Variants in MAP4 observed in about 807,000 individuals in gnomAD.
MAP4 encodes microtubule associated protein 4, also known as microtubule-associated protein 4.
A neutral mutation model predicts 170.2 loss-of-function variants in MAP4; 76 were observed. The observed-to-expected ratio is 0.45, with a 90% CI of 0.37 to 0.54. MAP4 has a LOEUF of 0.54. MAP4 is among the 20% of genes least tolerant of loss of function. The pLI, the probability that MAP4 is intolerant of heterozygous loss-of-function variation, is 0.00. For missense variants in MAP4, 2,506 were observed against 2,748.0 expected (o/e 0.91, Z 1.97); for synonymous variants, 909 against 994.5 (o/e 0.91, Z 1.62).
At position 47,969,079 on chromosome 3, in the gene MAP4, T is replaced by TCTATA. The variant is rs1229071974; in HGVS notation, c.292+8785_292+8786insTATAG. On this transcript the variant is annotated intron_variant, in intron 3 of 20. Transcript: ENST00000683076. ...TGGAAAATTCCAAAACTAACATCTGTGGCTATCTCTATAGTTTCTAACAAT... is the reference window on the plus strand; with the variant it reads ...TGGAAAATTCCAAAACTAACATCTGTCTATAGGCTATCTCTATAGTTTCTAACAAT... Among the ~76,000 whole-genome samples the TCTATA allele has an allele frequency of 5.9e-5, 9 of 152,198 alleles. No individual in the cohort carries two copies. The East Asian group carries it at 1.7e-3, about 29-fold the overall frequency.
intron 2 of MAP4, chr3:47,987,341 C>A: frequency 1.4e-6 from 2 of 1,417,218 alleles, no homozygotes; most frequent in South Asian, 1.3e-5. Flanking sequence ...CTTACAAGTA[C>A]CACAGAGGAA....
At chr3:48,007,680 T>TC (rs2100103120) in intron 1 of MAP4, among the ~76,000 whole-genome samples, 1 of 151,106 alleles carries the variant, frequency 6.6e-6, no homozygotes, top group Non-Finnish European at 1.5e-5. Flanking sequence ...ACTCTCCTTT[T>TC]TTTTTTTTTT....
At chr3:47,975,476 A>G (rs1159884063) in intron 3 of MAP4, 1 of 1,554,344 alleles carries the variant, frequency 6.4e-7, no homozygotes, top group Non-Finnish European at 8.7e-7. Context: ...CTAGGAGGAG[A>G]AAAATAGAGA....
At chr3:47,979,982 G>A (rs372798244) in intron 2 of MAP4, among the ~76,000 whole-genome samples, 31 of 151,958 alleles carry the variant, frequency 2.0e-4, no homozygotes, top group African/African-American at 5.3e-4. Context: ...ATGCTACCAC[G>A]CCTGCCTAAT....
At chr3:47,951,818 G>A (rs2100064185) in intron 3 of MAP4, among the ~76,000 whole-genome samples, 1 of 150,658 alleles carries the variant, frequency 6.6e-6, no homozygotes, top group Admixed American at 6.6e-5. Flanking sequence ...CCCATCGTCT[G>A]GGATGTGAGG....
intron 2 of MAP4, among the ~76,000 whole-genome samples, chr3:47,995,256 T>C (rs1317819587): frequency 4.0e-4 from 59 of 148,672 alleles, no homozygotes; most frequent in African/African-American, 1.3e-3. Flanking sequence ...TTTTCTTTTT[T>C]TTTTTTTTTT....
At chr3:48,083,977 G>T (rs1309883517) in intron 1 of MAP4, among the ~76,000 whole-genome samples, 1 of 148,880 alleles carries the variant, frequency 6.7e-6, no homozygotes, top group African/African-American at 2.5e-5. Flanking sequence ...CCCCTGCCTC[G>T]GCCTCCCAAA....
At chr3:47,900,076 T>C (rs1484381537) in intron 10 of MAP4, among the ~76,000 whole-genome samples, 1 of 152,220 alleles carries the variant, frequency 6.6e-6, no homozygotes, top group Non-Finnish European at 1.5e-5. Context: ...ACTTTCCAGA[T>C]TGACCAACTG....
intron 12 of MAP4, among the ~76,000 whole-genome samples, chr3:47,873,176 A>C (rs559757668): frequency 1.3e-5 from 2 of 152,366 alleles, no homozygotes; most frequent in African/African-American, 4.8e-5. Flanking sequence ...AGGGATAAAA[A>C]GCACTGATAT....
Position 47,909,671 on chromosome 3 carries a change from G to C in MAP4, c.4750C>G (p.Gln1584Glu). The C allele has an allele frequency of 6.2e-7, 1 of 1,613,886 alleles. No individual in the cohort carries two copies. Among genetic ancestry groups the C allele is most frequent in the Non-Finnish European group, 8.5e-7 (1 of 1,179,876 alleles). ...HLLPGVPVED[Q>E]SLPGEARALE... Reference sequence around the variant, plus strand: ...GCTCTGGCCTCTCCTGGTAGGCTCTGGTCTTCTACTGGCACTCCAGGAAGG... The same window carrying C: ...GCTCTGGCCTCTCCTGGTAGGCTCTCGTCTTCTACTGGCACTCCAGGAAGG... The change falls in exon 9 of 21, where the codon CAG becomes GAG. Residue 1584 changes from glutamine to glutamate, a missense_variant. Around this residue, in one of 3 missense-constraint regions of MAP4, gnomAD observed 2,008 missense variants for 2,206.0 expected, o/e 0.91. Transcript: ENST00000683076.
At chr3:48,087,496 C>A (rs1172162681) in intron 1 of MAP4, among the ~76,000 whole-genome samples, 3 of 152,098 alleles carry the variant, frequency 2.0e-5, no homozygotes, top group African/African-American at 7.2e-5. Context: ...CCTCACCACA[C>A]CCATTTCTCT....
intron 4 of MAP4, among the ~76,000 whole-genome samples, chr3:47,925,088 G>C (rs2100045053): frequency 1.3e-5 from 2 of 152,156 alleles, no homozygotes; most frequent in Non-Finnish European, 2.9e-5. Flanking sequence ...GTGATTACAG[G>C]CGTGAGCCAC....
At position 47,914,926 on chromosome 3, in the gene MAP4, T is replaced by C. The variant is rs768962558; in HGVS notation, c.1890A>G (p.Gly630=). The C allele has an allele frequency of 1.2e-4, 196 of 1,614,022 alleles. 1 individual carries two copies. The East Asian group carries it at 4.0e-3, about 33-fold the overall frequency. The change falls in exon 8 of 21, where the codon GGA becomes GGG. Residue 630 remains glycine (G), a synonymous_variant. Transcript: ENST00000683076. ...CCGGCAAGCTGCACTTTTTCCCCGT[T>C]CCTGTGACGGTTTCTAAAGGTAATA... ...TFMISPETVT[G]TGKKCSLPAE... is the part of the protein sequence containing the mutation.
At chr3:48,059,514 CAAAAAAAAAAAA>C (rs762700404) in intron 1 of MAP4, among the ~76,000 whole-genome samples, 1 of 18,008 alleles carries the variant, frequency 5.6e-5, no homozygotes, top group Non-Finnish European at 1.6e-4. Context: ...GACTCCATCT[CAAAAAAAAAAAA>C]AAAAAAAAAA....
chr3:47,885,864 G>A (rs2152862260), intron 10 of MAP4, among the ~76,000 whole-genome samples: 1 of 152,200 alleles, frequency 6.6e-6, no homozygotes, highest in South Asian at 2.1e-4. Flanking sequence ...GAGTAGCCGG[G>A]ACTACAGGCG....
intron 1 of MAP4, among the ~76,000 whole-genome samples, chr3:48,028,066 C>CA (rs762271568): frequency 6.6e-6 from 1 of 151,866 alleles, no homozygotes; most frequent in Non-Finnish European, 1.5e-5. Flanking sequence ...CCAAGGTGGG[C>CA]AGATCACCTG....
chr3:47,974,328 G>A (rs566084150), intron 3 of MAP4: 10 of 396,798 alleles, frequency 2.5e-5, no homozygotes, highest in Non-Finnish European at 3.1e-5. Context: ...GGGAGGCTGA[G>A]GCAGGAGAAC....
At position 48,072,607 on chromosome 3, in the gene MAP4, A is replaced by T. The variant is rs567997870; in HGVS notation, c.-20+16166T>A. Among the ~76,000 whole-genome samples the T allele has an allele frequency of 5.3e-5, 8 of 152,366 alleles. No homozygotes were observed. The South Asian group carries it at 1.4e-3, about 28-fold the overall frequency. ...AATCAAATTAATGTTCCTATTCTTA[A>T]ATGCCTAACTTTATGATCCTTAGTA... is the stretch of plus-strand genomic sequence containing the variant. On this transcript the variant is annotated intron_variant, in intron 1 of 18. Transcript: ENST00000360240.
chr3:47,908,808 A>C (rs1350247750), intron 9 of MAP4, among the ~76,000 whole-genome samples: 2 of 152,190 alleles, frequency 1.3e-5, no homozygotes, highest in Admixed American at 6.5e-5. Context: ...TTCAACGTTC[A>C]GTGCTGGGTA....
Sources: gnomAD v4.1 joint callset for allele counts (sites outside exome capture counted in the v4.1 genomes callset) on GRCh38, gnomAD v4.1.1 for gene constraint, gnomAD v4.1.1 regional missense constraint, MANE v1.5 for transcripts, NCBI Gene and HGNC (gene_info 2026-07-23, HGNC 2026-07-21) for gene names.